The following TBC1D1 variants were observed in gnomAD, a reference collection of about 807,000 sequenced individuals.
The protein encoded by TBC1D1 is TBC1 domain family member 1, also known as TBC1 (tre-2/USP6, BUB2, cdc16) domain family, member 1.
Under a neutral mutation model 125.6 loss-of-function variants are expected in TBC1D1, and 89 were observed. That is an observed-to-expected ratio of 0.71 (90% CI 0.60 to 0.85). The LOEUF is 0.85. TBC1D1 is among the 40% of genes least tolerant of loss of function. The probability of loss-of-function intolerance (pLI) is 0.00; values close to 1 mark genes in which losing one functional copy is unlikely to be tolerated. For missense variants in TBC1D1, 1,377 were observed against 1,469.2 expected, an observed-to-expected ratio of 0.94 and a Z score of 1.03; for synonymous variants, 565 against 564.1, an observed-to-expected ratio of 1.00 and a Z score of -0.02.
rs1560779902 is a variant in TBC1D1 at position 38,095,939 on chromosome 4, T to C, written c.2247T>C (p.Asn749=). The C allele has an allele frequency of 6.2e-7, 1 of 1,613,152 alleles. No homozygotes were observed. The highest frequency in any genetic ancestry group is 1.3e-5 in the African/African-American group (1 of 74,954). Residue 749 remains asparagine (N), a synonymous_variant, in exon 14 of 20, where the codon AAT becomes AAC. Coordinates refer to ENST00000261439, the MANE Select transcript of TBC1D1 (RefSeq NM_015173.4). ...AATGGTCTATTCCAGCCTCTGAAAA[T>C]GATTTGCTGAACAAGCGCCTGAAGC...
At chr4:37,899,717 C>T (rs1715428136) in intron 1 of TBC1D1, among the ~76,000 whole-genome samples, 1 of 152,202 alleles carries the variant, frequency 6.6e-6, no homozygotes, top group Non-Finnish European at 1.5e-5. Flanking sequence ...TTGCCCAAAA[C>T]AGCAGGTGAA....
At chr4:38,015,959 C>T (rs951407580) in intron 3 of TBC1D1, among the ~76,000 whole-genome samples, 2 of 152,104 alleles carry the variant, frequency 1.3e-5, no homozygotes, top group Non-Finnish European at 1.5e-5. Context: ...AATTTGTGAT[C>T]TGCATCTTTT....
At chr4:37,985,165 G>A (rs1735188462) in intron 2 of TBC1D1, among the ~76,000 whole-genome samples, 1 of 152,110 alleles carries the variant, frequency 6.6e-6, no homozygotes, top group Non-Finnish European at 1.5e-5. Context: ...ATGCTGGCCA[G>A]GATGGTCTTA....
At chr4:38,102,681 C>G (rs1379625786) in intron 14 of TBC1D1, among the ~76,000 whole-genome samples, 2 of 151,860 alleles carry the variant, frequency 1.3e-5, no homozygotes, top group African/African-American at 2.4e-5. Context: ...GAGTTTGAGA[C>G]AAGCCTGGAC....
At chr4:37,931,162 G>C (rs1276676545) in intron 2 of TBC1D1, among the ~76,000 whole-genome samples, 1 of 152,108 alleles carries the variant, frequency 6.6e-6, no homozygotes, top group Non-Finnish European at 1.5e-5. Context: ...GAGTGCAGTG[G>C]AGCAATCTCT....
chr4:38,044,542 G>A lies in TBC1D1; in HGVS notation c.1542+52G>A, dbSNP rs760983023. The A allele has an allele frequency of 1.9e-6, 3 of 1,540,248 alleles. No homozygotes were observed. In the East Asian group the frequency reaches 6.8e-5, roughly 35 times the overall value. On this transcript the variant is annotated intron_variant, in intron 9 of 19. Transcript: ENST00000261439. ...AAGTTAAATCACTTTTTAGGAGAGT[G>A]TAAGATTGAGTTCTATGCTTTTATT...
At chr4:38,005,272 T>G (rs1032186931) in intron 2 of TBC1D1, among the ~76,000 whole-genome samples, 1 of 152,226 alleles carries the variant, frequency 6.6e-6, no homozygotes, top group African/African-American at 2.4e-5. Context: ...GAGCAAAGCT[T>G]ACATTTTTCA....
chr4:38,132,878 G>T (rs949075560), intron 18 of TBC1D1: 32 of 324,200 alleles, frequency 9.9e-5, no homozygotes, highest in Non-Finnish European at 1.1e-4. Context: ...ATTATTTCTA[G>T]ATGTTTCTTA....
intron 3 of TBC1D1, among the ~76,000 whole-genome samples, chr4:38,015,645 C>T (rs983894534): frequency 6.6e-6 from 1 of 152,098 alleles, no homozygotes; most frequent in African/African-American, 2.4e-5. Context: ...GGAGCTGTCC[C>T]GGCAGCGAGC....
rs536139139 is a variant in TBC1D1, at chr4:38,093,610, C to T, written c.2237-2319C>T. Among the ~76,000 whole-genome samples the T allele has an allele frequency of 7.9e-5, 12 of 151,480 alleles. No individual in the cohort carries two copies. In the South Asian group the frequency reaches 1.5e-3, roughly 19 times the overall value. On this transcript the variant is annotated intron_variant, in intron 13 of 19. Coordinates refer to ENST00000261439, the MANE Select transcript of TBC1D1 (RefSeq NM_015173.4). The stretch of plus-strand genomic sequence containing the variant: ...CACAATCTCGGCTCACTGCAACCTC[C>T]GCCTCCTGGGTTCAAGCGATTCTCC...
At chr4:37,996,009 G>A in intron 2 of TBC1D1, 1 of 525,142 alleles carries the variant, frequency 1.9e-6, no homozygotes, top group Non-Finnish European at 3.8e-6. Flanking sequence ...TTCTGGGATG[G>A]GGATGTCCAG....
At chr4:37,926,430 C>G (rs1216480756) in intron 2 of TBC1D1, among the ~76,000 whole-genome samples, 1 of 152,190 alleles carries the variant, frequency 6.6e-6, no homozygotes, top group Non-Finnish European at 1.5e-5. Context: ...ATCGCTTGGT[C>G]AGCAGAAGGG....
intron 2 of TBC1D1, among the ~76,000 whole-genome samples, chr4:37,936,138 T>C (rs1203613732): frequency 6.6e-6 from 1 of 152,198 alleles, no homozygotes; most frequent in African/African-American, 2.4e-5. Flanking sequence ...AAGACCCCAG[T>C]GGAGGCCTAA....
At chr4:38,097,999 G>A (rs970369681) in intron 14 of TBC1D1, among the ~76,000 whole-genome samples, 3 of 152,216 alleles carry the variant, frequency 2.0e-5, no homozygotes, top group African/African-American at 4.8e-5. Context: ...TCACACCACC[G>A]TACTGCACTG....
Position 38,054,306 on chromosome 4 carries a change from A to G in TBC1D1, c.2018A>G (p.Gln673Arg). The change falls in exon 12 of 20, where the codon CAG (glutamine) becomes CGG (arginine). Residue 673 changes from glutamine (Q) to arginine (R), a missense_variant. Coordinates refer to ENST00000261439, the MANE Select transcript of TBC1D1 (RefSeq NM_015173.4). Reference sequence around the variant, plus strand: ...ATATTCCTCCGAGTAGCCACCCCGCAGAAGGCGTGCGATTCTTCCAGCAGA... The same window carrying G: ...ATATTCCTCCGAGTAGCCACCCCGCGGAAGGCGTGCGATTCTTCCAGCAGA... 1 of 1,614,216 alleles carries G rather than the reference A, an allele frequency of 6.2e-7. No homozygotes were observed. Among genetic ancestry groups the G allele is most frequent in the Non-Finnish European group, 8.5e-7 (1 of 1,180,026 alleles).
At chr4:37,958,665 T>G (rs944823620) in intron 2 of TBC1D1, among the ~76,000 whole-genome samples, 1 of 152,208 alleles carries the variant, frequency 6.6e-6, no homozygotes, top group Non-Finnish European at 1.5e-5. Flanking sequence ...CATCTTTTAC[T>G]TTAATTATTT....
chr4:37,957,490 G>A (rs1474780896), intron 2 of TBC1D1, among the ~76,000 whole-genome samples: 2 of 152,124 alleles, frequency 1.3e-5, no homozygotes, highest in Admixed American at 6.5e-5. Context: ...ATGGGGGTGC[G>A]TGCCTGTAGT....
At chr4:38,104,780 G>T (rs1760992180) in intron 15 of TBC1D1, among the ~76,000 whole-genome samples, 1 of 150,562 alleles carries the variant, frequency 6.6e-6, no homozygotes, top group Admixed American at 6.6e-5. Flanking sequence ...TTTTGAGACG[G>T]TGTCTCGCTC....
chr4:37,925,562 A>G (rs950398994), intron 2 of TBC1D1, among the ~76,000 whole-genome samples: 1 of 151,982 alleles, frequency 6.6e-6, no homozygotes, highest in Non-Finnish European at 1.5e-5. Context: ...CTAAAAATAC[A>G]AAAATTAGCT....
Sources: gnomAD v4.1 joint callset for allele counts (sites outside exome capture counted in the v4.1 genomes callset) on GRCh38, gnomAD v4.1.1 for gene constraint, MANE v1.5 for transcripts, NCBI Gene and HGNC (gene_info 2026-07-23, HGNC 2026-07-21) for gene names.